Variants in BAIAP2L1 observed in about 807,000 individuals in gnomAD.
The protein encoded by BAIAP2L1 is BAR/IMD domain-containing adapter protein 2-like 1.
In BAIAP2L1, 35 loss-of-function variants were observed where a neutral mutation model predicts 66.3. The ratio of observed to expected loss-of-function variants is 0.53; its 90% CI spans 0.40 to 0.70. The LOEUF is 0.70. Ranked by LOEUF, BAIAP2L1 falls within the 30% of genes least tolerant of loss-of-function variation. The probability of loss-of-function intolerance (pLI) is 0.00; values close to 1 mark genes in which losing one functional copy is unlikely to be tolerated. For synonymous variants in BAIAP2L1, 269 were observed against 248.7 expected, an observed-to-expected ratio of 1.08 and a Z score of -0.77; for missense variants, 622 against 656.9, an observed-to-expected ratio of 0.95 and a Z score of 0.58.
rs34808288 is a variant in BAIAP2L1 at position 98,369,044 on chromosome 7, C to CT, written c.52-6613dup. Among the ~76,000 whole-genome samples, 1,125 of 130,724 alleles carry CT rather than the reference C, an allele frequency of 8.6e-3. 8 individuals are homozygous for CT. Among genetic ancestry groups the CT allele is most frequent in the South Asian group, 0.024 (96 of 3,996 alleles). 85.8% of individuals were successfully genotyped at this position (130,724 alleles called of 152,430 possible). ...TTTAACTTTTTAAGAAACTGCCAAA[C>CT]TTTTTTTTTTTTTTTTTCAGAACAG... On this transcript the variant is annotated intron_variant, in intron 1 of 13. Coordinates refer to ENST00000005260, the MANE Select transcript of BAIAP2L1 (RefSeq NM_018842.5).
At chr7:98,323,909 G>A (rs1801313100) in intron 3 of BAIAP2L1, among the ~76,000 whole-genome samples, 1 of 152,206 alleles carries the variant, frequency 6.6e-6, no homozygotes, top group Non-Finnish European at 1.5e-5. Context: ...ATCTGCAGAA[G>A]TTTCATCTTA....
intron 3 of BAIAP2L1, among the ~76,000 whole-genome samples, chr7:98,324,114 C>T (rs1372674436): frequency 6.6e-6 from 1 of 152,236 alleles, no homozygotes; most frequent in African/African-American, 2.4e-5. Context: ...AAACACACCA[C>T]TGTGCTGTGC....
intron 12 of BAIAP2L1, among the ~76,000 whole-genome samples, chr7:98,297,335 G>C (rs1800234730): frequency 6.6e-6 from 1 of 152,214 alleles, no homozygotes; most frequent in Non-Finnish European, 1.5e-5. Context: ...CCAGGTTGGG[G>C]GACTAGTTGA....
chr7:98,393,136 CAT>C (rs367551304), intron 1 of BAIAP2L1, among the ~76,000 whole-genome samples: 54,169 of 112,926 alleles, frequency 0.48, 13,985 homozygotes, highest in Middle Eastern at 0.65. Context: ...TATATACACA[CAT>C]ATGTGTACAT....
intron 3 of BAIAP2L1, among the ~76,000 whole-genome samples, chr7:98,327,664 ACT>A (rs1801405181): frequency 6.6e-6 from 1 of 151,426 alleles, no homozygotes; most frequent in South Asian, 2.1e-4. Context: ...AAAGAGCAAA[ACT>A]CTGTCTCAAA....
chr7:98,322,088 C>A (rs1801264245), intron 3 of BAIAP2L1, among the ~76,000 whole-genome samples: 1 of 151,998 alleles, frequency 6.6e-6, no homozygotes. Flanking sequence ...AGAGTGAGAC[C>A]CTGTCTCCCC....
At chr7:98,391,944 G>A (rs1293905664) in intron 1 of BAIAP2L1, among the ~76,000 whole-genome samples, 1 of 152,046 alleles carries the variant, frequency 6.6e-6, no homozygotes, top group Non-Finnish European at 1.5e-5. Flanking sequence ...TAGGTGTTCT[G>A]GCCAATGTCC....
chr7:98,365,193 C>T (rs1802367112), intron 1 of BAIAP2L1, among the ~76,000 whole-genome samples: 1 of 151,690 alleles, frequency 6.6e-6, no homozygotes, highest in Admixed American at 6.6e-5. Context: ...ATTTATTTTA[C>T]CGGACACTCA....
rs756775334 is a variant in BAIAP2L1, at chr7:98,292,627, G to A, written c.*894C>T. The A allele has an allele frequency of 4.3e-5, 67 of 1,551,458 alleles. 1 individual carries two copies. Among genetic ancestry groups the A allele is most frequent in the African/African-American group, 3.1e-4 (23 of 73,018 alleles). On this transcript the variant is annotated 3_prime_UTR_variant, in exon 14 of 14. Transcript: ENST00000005260. ...TCATGGCTGCTAGGCTGAAAAACCC[G>A]CCCTTCTCCAGGCACCAGAGGTCAT...
At chr7:98,357,459 C>T (rs575918919) in intron 2 of BAIAP2L1, among the ~76,000 whole-genome samples, 16 of 149,068 alleles carry the variant, frequency 1.1e-4, no homozygotes, top group African/African-American at 3.5e-4. Context: ...CCCAGCTATT[C>T]GGGAGGCTGA....
At chr7:98,400,741 C>T in intron 1 of BAIAP2L1, 61 bp downstream of exon 1, 1 of 1,526,214 alleles carries the variant, frequency 6.6e-7, no homozygotes, top group South Asian at 1.2e-5. Flanking sequence ...CGCGTAAAGT[C>T]CCCTTCTGAA....
chr7:98,315,619 AAAAAAAAATAAT>A lies in BAIAP2L1; in HGVS notation c.487-19_487-8del. Reference sequence around the variant, plus strand: ...AAGTAACGGTCTCCACATACTAAAAAAAAAAAAATAATAATAATAATAATTATATAAGCATGA... The same window carrying A: ...AAGTAACGGTCTCCACATACTAAAAAAATAATAATAATTATATAAGCATGA... On this transcript the variant is annotated splice_polypyrimidine_tract_variant and splice_region_variant and intron_variant, in intron 6 of 13. Transcript: ENST00000005260. 1.3e-6 allele frequency: 1 copy of A among 782,230 alleles called. No homozygotes were observed. The highest frequency in any genetic ancestry group is 1.7e-6 in the Non-Finnish European group (1 of 572,968). 48.5% of individuals were successfully genotyped at this position (782,230 alleles called of 1,614,324 possible).
intron 1 of BAIAP2L1, among the ~76,000 whole-genome samples, chr7:98,394,187 G>A (rs989774008): frequency 3.3e-5 from 5 of 152,074 alleles, no homozygotes; most frequent in African/African-American, 1.2e-4. Context: ...AGCTTGCAGT[G>A]AGCAGAGATC....
intron 10 of BAIAP2L1, chr7:98,306,720 T>G (rs1054377059): frequency 1.5e-5 from 11 of 741,090 alleles, no homozygotes; most frequent in Admixed American, 6.1e-5. Context: ...CAATTTTTTT[T>G]TAATAGAGAC....
intron 2 of BAIAP2L1, among the ~76,000 whole-genome samples, chr7:98,359,907 T>C (rs1259129745): frequency 2.7e-5 from 4 of 150,692 alleles, no homozygotes; most frequent in East Asian, 2.0e-4. Context: ...CACAGGAGCA[T>C]GCCACCATGC....
At chr7:98,386,594 C>G in intron 1 of BAIAP2L1, 1 of 1,593,172 alleles carries the variant, frequency 6.3e-7, no homozygotes, top group Non-Finnish European at 8.5e-7. Flanking sequence ...TGGTGCTGGT[C>G]AGAGAGCCAA....
At chr7:98,376,117 C>G (rs945870076) in intron 1 of BAIAP2L1, among the ~76,000 whole-genome samples, 16 of 152,174 alleles carry the variant, frequency 1.1e-4, no homozygotes, top group African/African-American at 3.9e-4. Context: ...TTGGTCTGTA[C>G]TGACCAAGGT....
intron 1 of BAIAP2L1, among the ~76,000 whole-genome samples, chr7:98,376,485 T>C (rs1358935019): frequency 6.6e-6 from 1 of 151,762 alleles, no homozygotes; most frequent in African/African-American, 2.4e-5. Flanking sequence ...TACTCCAACC[T>C]GAGCAAGGCA....
chr7:98,386,856 C>T (rs1433079809), intron 1 of BAIAP2L1, among the ~76,000 whole-genome samples: 1 of 151,822 alleles, frequency 6.6e-6, no homozygotes, highest in African/African-American at 2.4e-5. Flanking sequence ...CCCGCCACTG[C>T]ACCCAACTAA....
Sources: gnomAD v4.1 joint callset for allele counts (sites outside exome capture counted in the v4.1 genomes callset) on GRCh38, gnomAD v4.1.1 for gene constraint, MANE v1.5 for transcripts, NCBI Gene and HGNC (gene_info 2026-07-23, HGNC 2026-07-21) for gene names.